The following CACNA2D3 variants were observed in gnomAD, a reference collection of about 807,000 sequenced individuals.
The protein encoded by CACNA2D3 is voltage-dependent calcium channel subunit alpha-2/delta-3.
Under a neutral mutation model 160.6 loss-of-function variants are expected in CACNA2D3, and 60 were observed. That is an observed-to-expected ratio of 0.37 (90% CI 0.30 to 0.46). The LOEUF (loss-of-function observed/expected upper bound fraction) is 0.46, where lower values mean the gene tolerates loss of function less well. Among genes scored for constraint, CACNA2D3 ranks in the 20% least tolerant of loss-of-function variants. The probability of loss-of-function intolerance (pLI) is 1.00; values close to 1 mark genes in which losing one functional copy is unlikely to be tolerated. For missense variants in CACNA2D3, 1,205 were observed against 1,365.0 expected (o/e 0.88, Z 1.85); for synonymous variants, 558 against 492.9 (o/e 1.13, Z -1.75).
In CACNA2D3 at chr3:54,927,792, C is replaced by T; in HGVS notation, c.2449+27924C>T. 3.6e-6 allele frequency: 4 copies of T among 1,117,970 alleles called. No individual in the cohort carries two copies. The South Asian group carries it at 5.0e-5, about 14-fold the overall frequency. 69.3% of individuals were successfully genotyped at this position (1,117,970 alleles called of 1,614,324 possible). On this transcript the variant is annotated intron_variant, in intron 27 of 37. Coordinates refer to ENST00000474759, the MANE Select transcript of CACNA2D3 (RefSeq NM_018398.3). The stretch of plus-strand genomic sequence containing the variant: ...TGCAGAGACATTTTTCATATCTGTC[C>T]AGTCTTTTAAGACAGACGACTTGAA...
intron 17 of CACNA2D3, among the ~76,000 whole-genome samples, chr3:54,863,715 T>G (rs1699342812): frequency 1.4e-5 from 1 of 72,884 alleles, no homozygotes; most frequent in South Asian, 4.7e-4. Flanking sequence ...TAATTGTTGT[T>G]TTTTTTTAAA....
chr3:54,286,904 C>A (rs1703042704), intron 2 of CACNA2D3, among the ~76,000 whole-genome samples: 1 of 152,118 alleles, frequency 6.6e-6, no homozygotes, highest in South Asian at 2.1e-4. Flanking sequence ...ACCAGGCCTG[C>A]CCTAAAAGAG....
chr3:55,001,949 G>C (rs373535702), intron 31 of CACNA2D3, among the ~76,000 whole-genome samples: 3 of 152,148 alleles, frequency 2.0e-5, no homozygotes, highest in Non-Finnish European at 4.4e-5. Context: ...ACAAGGTCAG[G>C]AGTTCGAGAC....
At chr3:54,670,969 AATT>A (rs1466431700) in intron 11 of CACNA2D3, among the ~76,000 whole-genome samples, 5 of 152,144 alleles carry the variant, frequency 3.3e-5, no homozygotes, top group Admixed American at 6.5e-5. Flanking sequence ...TTAATATGGA[AATT>A]ATTATTAATA....
chr3:54,941,850 C>A (rs969918735), intron 27 of CACNA2D3, among the ~76,000 whole-genome samples: 5 of 152,120 alleles, frequency 3.3e-5, no homozygotes, highest in African/African-American at 1.2e-4. Context: ...TCCTCCCTGC[C>A]ACACAGTTCT....
chr3:54,957,188 G>A (rs1701920039), intron 27 of CACNA2D3, among the ~76,000 whole-genome samples: 1 of 151,692 alleles, frequency 6.6e-6, no homozygotes, highest in Non-Finnish European at 1.5e-5. Flanking sequence ...TTTAGAGACA[G>A]GGTTTCTGTC....
At chr3:54,826,976 C>A (rs1225395519) in intron 14 of CACNA2D3, among the ~76,000 whole-genome samples, 1 of 152,160 alleles carries the variant, frequency 6.6e-6, no homozygotes, top group Non-Finnish European at 1.5e-5. Flanking sequence ...CACTTTATGT[C>A]TATAATTCAT....
intron 27 of CACNA2D3, among the ~76,000 whole-genome samples, chr3:54,902,576 A>G (rs2106894321): frequency 6.6e-6 from 1 of 152,290 alleles, no homozygotes; most frequent in Middle Eastern, 3.4e-3. Flanking sequence ...CTGCACAGGA[A>G]GAAGTGGTGG....
At chr3:54,228,249 C>T (rs9875620) in intron 2 of CACNA2D3, among the ~76,000 whole-genome samples, 2,366 of 152,266 alleles carry the variant, frequency 0.016, 65 homozygotes, top group African/African-American at 0.051. Flanking sequence ...GCTTCCTTCA[C>T]AGGATGGTAT....
chr3:54,246,538 C>T (rs950981747), intron 2 of CACNA2D3, among the ~76,000 whole-genome samples: 9 of 151,350 alleles, frequency 5.9e-5, no homozygotes, highest in Non-Finnish European at 1.0e-4. Context: ...ACTAAAAATA[C>T]AAAAATTAGC....
intron 2 of CACNA2D3, among the ~76,000 whole-genome samples, chr3:54,305,963 C>G (rs1232562846): frequency 1.3e-5 from 2 of 152,200 alleles, no homozygotes; most frequent in Non-Finnish European, 2.9e-5. Flanking sequence ...TGACTCTAGA[C>G]TCACCACTAG....
chr3:54,965,315 C>T (rs1179389134), intron 27 of CACNA2D3, among the ~76,000 whole-genome samples: 7 of 152,140 alleles, frequency 4.6e-5, no homozygotes, highest in Admixed American at 3.9e-4. Context: ...ACTGGGTCCC[C>T]GTTCCCATTC....
chr3:54,503,673 G>A lies in CACNA2D3; in HGVS notation c.544+19G>A. The A allele has an allele frequency of 6.2e-7, 1 of 1,609,356 alleles. No homozygotes were observed. Among genetic ancestry groups the A allele is most frequent in the Non-Finnish European group, 8.5e-7 (1 of 1,176,140 alleles). Reference sequence around the variant, plus strand: ...AACAAAGGTAAGACTCCCAGCCACTGCTCCTTTTAGAAGGTGAAGAATCAG... The same window carrying A: ...AACAAAGGTAAGACTCCCAGCCACTACTCCTTTTAGAAGGTGAAGAATCAG... On this transcript the variant is annotated intron_variant, in intron 5 of 37. Coordinates refer to ENST00000474759, the MANE Select transcript of CACNA2D3 (RefSeq NM_018398.3).
chr3:54,386,933 C>T (rs561166042), intron 4 of CACNA2D3, among the ~76,000 whole-genome samples, 159 bp downstream of exon 4: 3 of 152,168 alleles, frequency 2.0e-5, no homozygotes, highest in South Asian at 2.1e-4. Context: ...TTAAGCAATC[C>T]GCAACCACCT....
intron 3 of CACNA2D3, among the ~76,000 whole-genome samples, chr3:54,368,838 A>G (rs886606598): frequency 1.3e-5 from 2 of 150,068 alleles, no homozygotes; most frequent in African/African-American, 4.9e-5. Context: ...AGTAGCTGGG[A>G]CTATAGGCGC....
At chr3:54,728,420 C>T (rs1308010896) in intron 11 of CACNA2D3, among the ~76,000 whole-genome samples, 1 of 152,062 alleles carries the variant, frequency 6.6e-6, no homozygotes, top group Non-Finnish European at 1.5e-5. Flanking sequence ...GAATTTCATA[C>T]AATTCTTTTT....
intron 3 of CACNA2D3, 57 bp from the exon 4 acceptor site, chr3:54,386,658 T>A: frequency 6.8e-7 from 1 of 1,479,990 alleles, no homozygotes; most frequent in Non-Finnish European, 9.1e-7. Context: ...AGAAATGGGG[T>A]TCAGGCCACA....
chr3:54,264,589 A>G (rs1349352459), intron 2 of CACNA2D3, among the ~76,000 whole-genome samples: 6 of 152,240 alleles, frequency 3.9e-5, no homozygotes, highest in Non-Finnish European at 8.8e-5. Flanking sequence ...TTAACAGTAA[A>G]ATAGAAACGG....
At chr3:54,610,551 A>T (rs766270273) in intron 9 of CACNA2D3, among the ~76,000 whole-genome samples, 1 of 152,052 alleles carries the variant, frequency 6.6e-6, no homozygotes, top group Non-Finnish European at 1.5e-5. Context: ...CATTTGACAG[A>T]CTAGATCTGA....
Sources: allele counts gnomAD v4.1 joint callset (sites outside exome capture counted in the v4.1 genomes callset), GRCh38; gene constraint gnomAD v4.1.1; transcripts MANE v1.5; gene names NCBI Gene and HGNC (gene_info 2026-07-23, HGNC 2026-07-21).